Variants in SESN1 observed in about 807,000 individuals in gnomAD.
SESN1 encodes the protein sestrin 1, also known as sestrin-1.
A neutral mutation model predicts 59.3 loss-of-function variants in SESN1; 30 were observed. The observed-to-expected ratio is 0.51, with a 90% CI of 0.38 to 0.69. SESN1 has a LOEUF of 0.69. Ranked by LOEUF, SESN1 falls within the 30% of genes least tolerant of loss-of-function variation. The pLI is 0.00. For missense variants in SESN1, 566 were observed against 673.0 expected (o/e 0.84, Z 1.76); for synonymous variants, 197 against 219.9 (o/e 0.90, Z 0.92).
intron 1 of SESN1, among the ~76,000 whole-genome samples, chr6:109,089,690 T>A (rs1781276888): frequency 6.6e-6 from 1 of 152,186 alleles, no homozygotes; most frequent in Non-Finnish European, 1.5e-5. Flanking sequence ...ACCAAGTACC[T>A]CAAGCCAAAA....
Position 108,985,788 on chromosome 6 carries a change from T to A in SESN1, c.*1756A>T, listed in dbSNP as rs934077289. On this transcript the variant is annotated 3_prime_UTR_variant, in exon 10 of 10. Transcript: ENST00000436639. ...CTTGGGTTCAATTGTATTGCTCTGGTGAGAGAACTCAGCAGCAGGCAGAAG... is the reference window on the plus strand; with the variant it reads ...CTTGGGTTCAATTGTATTGCTCTGGAGAGAGAACTCAGCAGCAGGCAGAAG... 3.3e-5 allele frequency among the ~76,000 whole-genome samples: 5 copies of A among 152,218 alleles called. No homozygotes were observed. Among genetic ancestry groups the A allele is most frequent in the Non-Finnish European group, 5.9e-5 (4 of 68,036 alleles).
rs1233336188 is a variant in SESN1, at chr6:108,988,413, A to C, written c.1569+130T>G. The C allele has an allele frequency of 5.6e-6, 4 of 711,150 alleles. No individual in the cohort carries two copies. The East Asian group carries it at 1.2e-4, about 21-fold the overall frequency. The allele number at this position is 711,150 out of a possible 1,614,324, so 44.1% of individuals were successfully genotyped here. A position where few individuals can be genotyped will look rare whatever the true frequency, so the allele number is the denominator to read the frequency against. Reference sequence around the variant, plus strand: ...TCCCTTCTGAAGGGGTACCTGAGACAGCTGTCCTGGAATGTTTTTCTTTGG... The same window carrying C: ...TCCCTTCTGAAGGGGTACCTGAGACCGCTGTCCTGGAATGTTTTTCTTTGG... On this transcript the variant is annotated intron_variant, in intron 9 of 9. Transcript: ENST00000436639.
At chr6:109,046,505 C>G (rs1780440668) in intron 1 of SESN1, among the ~76,000 whole-genome samples, 1 of 147,726 alleles carries the variant, frequency 6.8e-6, no homozygotes, top group African/African-American at 2.5e-5. Context: ...CGGCCGCCAC[C>G]CCGTCTGGGA....
In SESN1 at chr6:109,011,088, G is replaced by A. The variant is rs559661382; in HGVS notation, c.280-8745C>T. Among the ~76,000 whole-genome samples, 3 of 152,340 alleles carry A rather than the reference G, an allele frequency of 2.0e-5. No individual in the cohort carries two copies. In the East Asian group the frequency reaches 5.8e-4, roughly 29 times the overall value. On this transcript the variant is annotated intron_variant, in intron 1 of 9. Coordinates refer to ENST00000436639, the MANE Select transcript of SESN1 (RefSeq NM_014454.3). Reference sequence around the variant, plus strand: ...AAGGAATCACAGTTTTAGTTGTCTAGTAGGGCATAATCTTAGTTATGACAT... The same window carrying A: ...AAGGAATCACAGTTTTAGTTGTCTAATAGGGCATAATCTTAGTTATGACAT...
chr6:109,063,113 CCT>C (rs945416506), intron 1 of SESN1, among the ~76,000 whole-genome samples: 3 of 152,106 alleles, frequency 2.0e-5, no homozygotes, highest in African/African-American at 7.2e-5. Flanking sequence ...TGGTCACTGC[CCT>C]GTCTGAGTCC....
intron 2 of SESN1, 21 bp from the exon 3 acceptor site, chr6:109,001,509 A>G (rs183275238): frequency 6.9e-6 from 11 of 1,603,770 alleles, no homozygotes; most frequent in Non-Finnish European, 1.7e-6. Flanking sequence ...GAGAAAAACC[A>G]TGGTTACTGA....
chr6:108,996,636 TA>T (rs915798824), intron 5 of SESN1, among the ~76,000 whole-genome samples: 198 of 149,278 alleles, frequency 1.3e-3, no homozygotes, highest in Middle Eastern at 6.9e-3. Flanking sequence ...AAGTTGGGAT[TA>T]AAAAAAAAAT....
At chr6:109,065,112 A>C (rs1780800883) in intron 1 of SESN1, among the ~76,000 whole-genome samples, 1 of 152,142 alleles carries the variant, frequency 6.6e-6, no homozygotes, top group South Asian at 2.1e-4. Context: ...TCCCGAATTT[A>C]ATAGCCCATT....
intron 1 of SESN1, among the ~76,000 whole-genome samples, chr6:109,085,509 A>G (rs1017278735): frequency 7.5e-6 from 1 of 133,610 alleles, no homozygotes; most frequent in Non-Finnish European, 1.6e-5. Context: ...ACAGAGTGAC[A>G]CTCCGTCACA....
At chr6:109,070,099 T>G (rs1780905537) in intron 1 of SESN1, among the ~76,000 whole-genome samples, 1 of 152,200 alleles carries the variant, frequency 6.6e-6, no homozygotes, top group African/African-American at 2.4e-5. Flanking sequence ...TTTTTTTAAA[T>G]GTAGGTAACA....
chr6:109,063,958 A>G (rs1337565882), intron 1 of SESN1, among the ~76,000 whole-genome samples: 1 of 152,100 alleles, frequency 6.6e-6, no homozygotes, highest in African/African-American at 2.4e-5. Context: ...ATTTTACCCC[A>G]ACTTGTAGCC....
intron 1 of SESN1, among the ~76,000 whole-genome samples, chr6:109,037,702 G>C (rs1404092606): frequency 6.6e-6 from 1 of 151,912 alleles, no homozygotes. Flanking sequence ...TAGAAACTTG[G>C]ACAATCATCA....
At position 109,047,505 on chromosome 6, in the gene SESN1, G is replaced by A. The variant is rs1429028366; in HGVS notation, c.280-45162C>T. Reference sequence around the variant, plus strand: ...AGCCCCCTGCCCGGCCAGCCGCCCCGTCCGGGAGGTGAGGGGCGCCTCTGC... The same window carrying A: ...AGCCCCCTGCCCGGCCAGCCGCCCCATCCGGGAGGTGAGGGGCGCCTCTGC... On this transcript the variant is annotated intron_variant, in intron 1 of 9. Coordinates refer to ENST00000436639, the MANE Select transcript of SESN1 (RefSeq NM_014454.3). 5.5e-5 allele frequency among the ~76,000 whole-genome samples: 7 copies of A among 128,314 alleles called. No homozygotes were observed. In the East Asian group the frequency reaches 1.2e-3, roughly 21 times the overall value. The allele number at this position is 128,314 out of a possible 152,430, so 84.2% of individuals were successfully genotyped here.
chr6:109,083,372 T>C (rs1174243551), intron 1 of SESN1, among the ~76,000 whole-genome samples: 1 of 152,228 alleles, frequency 6.6e-6, no homozygotes, highest in African/African-American at 2.4e-5. Flanking sequence ...ATAACCTTTA[T>C]TAAACTTAAG....
chr6:108,989,912 G>A (rs1185850488), intron 8 of SESN1, among the ~76,000 whole-genome samples: 1 of 152,136 alleles, frequency 6.6e-6, no homozygotes, highest in Non-Finnish European at 1.5e-5. Flanking sequence ...CCACCATTGA[G>A]GAGGCTAAAG....
chr6:108,994,322 T>A, intron 6 of SESN1, 140 bp downstream of exon 6: 1 of 577,036 alleles, frequency 1.7e-6, no homozygotes, highest in Non-Finnish European at 2.7e-6. Flanking sequence ...TAAAAATTAT[T>A]TGTAAATAGG....
intron 1 of SESN1, among the ~76,000 whole-genome samples, chr6:109,068,959 T>A (rs1183281809): frequency 6.6e-6 from 1 of 152,050 alleles, no homozygotes; most frequent in African/African-American, 2.4e-5. Context: ...TGACCTCAGG[T>A]GATCCACCTG....
intron 1 of SESN1, among the ~76,000 whole-genome samples, chr6:109,031,790 T>C (rs1310547581): frequency 2.0e-5 from 3 of 152,142 alleles, no homozygotes; most frequent in Non-Finnish European, 2.9e-5. Flanking sequence ...AGGAAACAGA[T>C]TTAGGGATTA....
At chr6:109,041,682 G>A (rs928233544) in intron 1 of SESN1, among the ~76,000 whole-genome samples, 1 of 151,272 alleles carries the variant, frequency 6.6e-6, no homozygotes, top group Non-Finnish European at 1.5e-5. Context: ...CCACCAAACA[G>A]AGCTGTAAAA....
Sources: allele counts gnomAD v4.1 joint callset (sites outside exome capture counted in the v4.1 genomes callset), GRCh38; gene constraint gnomAD v4.1.1; transcripts MANE v1.5; gene names NCBI Gene and HGNC (gene_info 2026-07-23, HGNC 2026-07-21).